Variants in SLC24A3 observed in about 807,000 individuals in gnomAD.
SLC24A3 encodes the protein sodium/potassium/calcium exchanger 3.
In SLC24A3, 28 loss-of-function variants were observed where a neutral mutation model predicts 75.8. The ratio of observed to expected loss-of-function variants is 0.37; its 90% CI spans 0.27 to 0.51. The LOEUF is 0.51. Among genes scored for constraint, SLC24A3 ranks in the 20% least tolerant of loss-of-function variants. The pLI, the probability that SLC24A3 is intolerant of heterozygous loss-of-function variation, is 0.94. For synonymous variants in SLC24A3, 372 were observed against 334.1 expected, an observed-to-expected ratio of 1.11 and a Z score of -1.24; for missense variants, 663 against 847.8, an observed-to-expected ratio of 0.78 and a Z score of 2.71.
chr20:19,329,032 C>T (rs539421270), intron 2 of SLC24A3, among the ~76,000 whole-genome samples: 1 of 152,230 alleles, frequency 6.6e-6, no homozygotes, highest in East Asian at 1.9e-4. Context: ...GCTGTGGATG[C>T]ATCAGGCGAC....
At chr20:19,296,993 T>C (rs1338885090) in intron 2 of SLC24A3, among the ~76,000 whole-genome samples, 1 of 152,242 alleles carries the variant, frequency 6.6e-6, no homozygotes, top group Non-Finnish European at 1.5e-5. Context: ...AGCTGTATTT[T>C]CTTCTCCAGC....
At chr20:19,595,125 G>T (rs528260632) in intron 6 of SLC24A3, among the ~76,000 whole-genome samples, 1 of 152,288 alleles carries the variant, frequency 6.6e-6, no homozygotes, top group East Asian at 1.9e-4. Flanking sequence ...AAACAGCAAG[G>T]CCAAGGGCAA....
At chr20:19,494,560 G>A (rs1474847599) in intron 2 of SLC24A3, among the ~76,000 whole-genome samples, 1 of 152,140 alleles carries the variant, frequency 6.6e-6, no homozygotes, top group Admixed American at 6.5e-5. Flanking sequence ...TTTAATGATT[G>A]CAAAGATGTT....
chr20:19,253,981 G>A (rs1240729508), intron 1 of SLC24A3, among the ~76,000 whole-genome samples: 2 of 152,030 alleles, frequency 1.3e-5, no homozygotes, highest in East Asian at 3.9e-4. Context: ...AGGTTTTCCT[G>A]TCCAACATGA....
intron 2 of SLC24A3, among the ~76,000 whole-genome samples, chr20:19,467,871 A>T (rs1987794890): frequency 7.1e-6 from 1 of 141,622 alleles, no homozygotes; most frequent in African/African-American, 2.9e-5. Flanking sequence ...ACAGAGTGGG[A>T]CCCTGTCTCA....
chr20:19,297,310 T>A lies in SLC24A3; in HGVS notation c.271+16223T>A, dbSNP rs371311930. On this transcript the variant is annotated intron_variant, in intron 2 of 16. Transcript: ENST00000328041. ...CGTTTATACGCATGATGTGCACAAG[T>A]TTTGAGTTGCATCCATGAGTTCTGA... Among the ~76,000 whole-genome samples, 59 of 152,322 alleles carry A rather than the reference T, an allele frequency of 3.9e-4. No individual in the cohort carries two copies. The South Asian group carries it at 9.1e-3, about 24-fold the overall frequency.
At chr20:19,549,895 C>G (rs539218175) in intron 3 of SLC24A3, among the ~76,000 whole-genome samples, 1 of 152,286 alleles carries the variant, frequency 6.6e-6, no homozygotes, top group African/African-American at 2.4e-5. Flanking sequence ...GAATATGATG[C>G]AGGTCATCAA....
intron 1 of SLC24A3, among the ~76,000 whole-genome samples, chr20:19,217,037 C>CTCCATGCGATCTCTTTATGTGGCTCAAA (rs1326726066): frequency 6.6e-6 from 1 of 152,240 alleles, no homozygotes; most frequent in African/African-American, 2.4e-5. Flanking sequence ...CACGTGGCCT[C>CTCCATGCGATCTCTTTATGTGGCTCAAA]TCCATGCGAT....
chr20:19,300,680 C>T (rs976047370), intron 2 of SLC24A3, among the ~76,000 whole-genome samples: 7 of 152,112 alleles, frequency 4.6e-5, no homozygotes, highest in African/African-American at 1.4e-4. Context: ...TCCTTCGGTG[C>T]GATGACTGAC....
At chr20:19,578,834 C>T (rs151172070) in intron 3 of SLC24A3, among the ~76,000 whole-genome samples, 2 of 152,040 alleles carry the variant, frequency 1.3e-5, no homozygotes, top group Non-Finnish European at 2.9e-5. Flanking sequence ...GGGTGGACAC[C>T]TGATCAAGGG....
chr20:19,564,409 G>A (rs1321931306), intron 3 of SLC24A3, among the ~76,000 whole-genome samples: 2 of 151,998 alleles, frequency 1.3e-5, no homozygotes, highest in Admixed American at 6.6e-5. Flanking sequence ...CTTTGTCATC[G>A]TGATCACCAT....
intron 3 of SLC24A3, among the ~76,000 whole-genome samples, chr20:19,530,773 T>A (rs1306805323): frequency 1.3e-5 from 2 of 152,166 alleles, no homozygotes; most frequent in African/African-American, 2.4e-5. Flanking sequence ...GGCTTGATAT[T>A]GCCTGATGAT....
intron 2 of SLC24A3, among the ~76,000 whole-genome samples, chr20:19,302,229 C>G (rs1047237102): frequency 6.6e-6 from 1 of 152,132 alleles, no homozygotes; most frequent in African/African-American, 2.4e-5. Context: ...GTGCTAAGCC[C>G]TGTGTGGGCA....
At position 19,696,806 on chromosome 20, in the gene SLC24A3, A is replaced by T; in HGVS notation, c.1501A>T (p.Ile501Phe). The change falls in exon 14 of 17, where the codon ATT becomes TTT. Residue 501 changes from isoleucine (I) to phenylalanine (F), a missense_variant. Around this residue, in one of 2 missense-constraint regions of SLC24A3, gnomAD observed 510 missense variants for 703.6 expected, o/e 0.72. Coordinates refer to ENST00000328041, the MANE Select transcript of SLC24A3 (RefSeq NM_020689.4). ...TTCCTGCTCCTTCTAGGTCACAATC[A>T]TTGGTTACACCCTGGGGATTCCTGA... ...SYMMVWMVTI[I>F]GYTLGIPDVI... 6.2e-7 allele frequency: 1 copy of T among 1,613,786 alleles called. No homozygotes were observed. The highest frequency in any genetic ancestry group is 1.7e-4 in the Middle Eastern group (1 of 6,056).
intron 9 of SLC24A3, among the ~76,000 whole-genome samples, chr20:19,678,835 T>C (rs1320434695): frequency 6.9e-6 from 1 of 144,798 alleles, no homozygotes; most frequent in Non-Finnish European, 1.5e-5. Context: ...ATGGGGCGGC[T>C]GGGCAGAGAC....
intron 6 of SLC24A3, among the ~76,000 whole-genome samples, chr20:19,609,604 C>T (rs1458039742): frequency 6.6e-6 from 1 of 151,934 alleles, no homozygotes; most frequent in Non-Finnish European, 1.5e-5. Context: ...GTGTGTTGTT[C>T]CCCTCCCTGT....
intron 6 of SLC24A3, among the ~76,000 whole-genome samples, chr20:19,619,414 C>T (rs1243980572): frequency 6.6e-6 from 1 of 152,132 alleles, no homozygotes; most frequent in Admixed American, 6.5e-5. Context: ...AAGCCAGACT[C>T]AGAATATGTA....
intron 2 of SLC24A3, among the ~76,000 whole-genome samples, chr20:19,505,608 T>G (rs1600257204): frequency 6.6e-6 from 1 of 152,108 alleles, no homozygotes. Context: ...GTTACCACCG[T>G]GAGCAACCAG....
intron 1 of SLC24A3, among the ~76,000 whole-genome samples, chr20:19,268,785 C>T (rs1253807901): frequency 6.6e-6 from 1 of 152,182 alleles, no homozygotes; most frequent in East Asian, 1.9e-4. Context: ...ATTCTTTTGG[C>T]TAAAAGGGGT....
Sources: gnomAD v4.1 joint callset for allele counts (sites outside exome capture counted in the v4.1 genomes callset) on GRCh38, gnomAD v4.1.1 for gene constraint, gnomAD v4.1.1 regional missense constraint, MANE v1.5 for transcripts, NCBI Gene and HGNC (gene_info 2026-07-23, HGNC 2026-07-21) for gene names.